The following KCNK5 variants were observed in gnomAD, a reference collection of about 807,000 sequenced individuals.
KCNK5 encodes potassium channel subfamily K member 5.
Under a neutral mutation model 32.9 loss-of-function variants are expected in KCNK5, and 18 were observed. The ratio of observed to expected loss-of-function variants is 0.55; its 90% CI spans 0.38 to 0.81. The LOEUF (loss-of-function observed/expected upper bound fraction) is 0.81. Among genes scored for constraint, KCNK5 ranks in the 30% least tolerant of loss-of-function variants. The pLI is 0.00. For synonymous variants in KCNK5, 276 were observed against 275.3 expected (o/e 1.00, Z -0.03); for missense variants, 507 against 651.0 (o/e 0.78, Z 2.41).
chr6:39,205,986 C>T (rs774340365), intron 1 of KCNK5, among the ~76,000 whole-genome samples: 16 of 152,188 alleles, frequency 1.1e-4, no homozygotes, highest in Non-Finnish European at 1.5e-5. Context: ...CCTCTCACAC[C>T]CATAACTCCT....
chr6:39,192,514 C>T (rs552841858), intron 4 of KCNK5, among the ~76,000 whole-genome samples: 23 of 152,288 alleles, frequency 1.5e-4, no homozygotes, highest in Admixed American at 1.3e-3. Flanking sequence ...ACCCTCCAAG[C>T]TGGGGCTAGA....
rs910558477 is a variant in KCNK5, at chr6:39,219,213, G to A, written c.186+9713C>T. 1.7e-4 allele frequency among the ~76,000 whole-genome samples: 26 copies of A among 152,252 alleles called. No homozygotes were observed. The Middle Eastern group carries it at 0.01, about 60-fold the overall frequency. On this transcript the variant is annotated intron_variant, in intron 1 of 4. Transcript: ENST00000359534. ...ATGGAACAAGGGATGGGGGATAGGG[G>A]AAGAAGAAGAGGGGGCTCCTGGAGA...
intron 2 of KCNK5, among the ~76,000 whole-genome samples, chr6:39,195,453 G>T (rs778311217): frequency 2.0e-5 from 3 of 152,224 alleles, no homozygotes; most frequent in Non-Finnish European, 4.4e-5. Flanking sequence ...GCCCAAGCAA[G>T]AACCAGCCAG....
At position 39,191,001 on chromosome 6, in the gene KCNK5, C is replaced by T; in HGVS notation, c.1389G>A (p.Glu463=). ...AGGTGGACTCGGAGGAGGAGGGGAACTCGCCCATGTTCAGGGGCGCCTTGG... is the reference window on the plus strand; with the variant it reads ...AGGTGGACTCGGAGGAGGAGGGGAATTCGCCCATGTTCAGGGGCGCCTTGG... The part of the protein sequence containing the change: ...AEAKAPLNMG[E]FPSSSESTFT... The change falls in exon 5 of 5, where the codon GAG becomes GAA. Residue 463 remains glutamate, a synonymous_variant. Transcript: ENST00000359534. This position sits in a 1 kb window ranked among gnomAD's most constrained non-coding sequence, Gnocchi z 5.8. 3 of 1,582,446 alleles carry T rather than the reference C, an allele frequency of 1.9e-6. No individual in the cohort carries two copies. Among genetic ancestry groups the T allele is most frequent in the East Asian group, 2.3e-5 (1 of 44,180 alleles).
intron 1 of KCNK5, among the ~76,000 whole-genome samples, chr6:39,219,165 G>A (rs1583720224): frequency 1.3e-5 from 2 of 152,162 alleles, no homozygotes; most frequent in East Asian, 1.9e-4. Context: ...ATTTCACAGG[G>A]GAAAGGAATT....
rs9471010 is a variant in KCNK5, at chr6:39,220,550, C to T, written c.186+8376G>A. 9.9e-3 allele frequency among the ~76,000 whole-genome samples: 1,506 copies of T among 152,278 alleles called. 26 individuals carry two copies. Among genetic ancestry groups the T allele is most frequent in the African/African-American group, 0.034 (1,417 of 41,536 alleles). ...AGGCCTGGGACAAGCCAGGACTGAG[C>T]AGAGCCCTGCTAGAAGAGAGAAAGA... On this transcript the variant is annotated intron_variant, in intron 1 of 4. Coordinates refer to ENST00000359534, the MANE Select transcript of KCNK5 (RefSeq NM_003740.4).
intron 1 of KCNK5, among the ~76,000 whole-genome samples, chr6:39,209,167 A>G (rs1376706963): frequency 6.6e-6 from 1 of 152,172 alleles, no homozygotes; most frequent in Non-Finnish European, 1.5e-5. Flanking sequence ...CAGGCCACAC[A>G]TCAGTTACCC....
chr6:39,203,215 A>G (rs139383979), intron 1 of KCNK5, among the ~76,000 whole-genome samples: 12 of 152,270 alleles, frequency 7.9e-5, no homozygotes, highest in Non-Finnish European at 1.6e-4. Context: ...ACAACTGCCA[A>G]CTCTTCCCAT....
At chr6:39,195,696 T>C (rs1277661523) in intron 2 of KCNK5, among the ~76,000 whole-genome samples, 180 bp downstream of exon 2, 2 of 152,206 alleles carry the variant, frequency 1.3e-5, no homozygotes, top group Non-Finnish European at 2.9e-5. Context: ...CAAGGAAACC[T>C]TCCCAGGCAT....
intron 1 of KCNK5, among the ~76,000 whole-genome samples, chr6:39,209,202 C>T (rs1271746140): frequency 6.6e-6 from 1 of 152,202 alleles, no homozygotes; most frequent in African/African-American, 2.4e-5. Context: ...ACCAAGGCCC[C>T]CATTTGGAAA....
intron 1 of KCNK5, among the ~76,000 whole-genome samples, chr6:39,216,035 T>C (rs1771427271): frequency 6.6e-6 from 1 of 152,144 alleles, no homozygotes; most frequent in South Asian, 2.1e-4. Flanking sequence ...GTAATCCCAG[T>C]ACCTTGGGAG....
chr6:39,228,095 A>T (rs6458101), intron 1 of KCNK5, among the ~76,000 whole-genome samples: 30,064 of 151,948 alleles, frequency 0.2, 3,849 homozygotes, highest in East Asian at 0.38. Context: ...CCGTTTATCC[A>T]AAGTGAGGTC....
chr6:39,228,020 G>A (rs1398570648), intron 1 of KCNK5, among the ~76,000 whole-genome samples: 2 of 152,196 alleles, frequency 1.3e-5, no homozygotes, highest in African/African-American at 2.4e-5. Flanking sequence ...CTGAGCCCTC[G>A]AGAAACTGGG....
At chr6:39,196,068 T>C (rs1324220675) in intron 1 of KCNK5, 81 bp from the exon 2 acceptor site, 16 of 904,944 alleles carry the variant, frequency 1.8e-5, no homozygotes, top group Admixed American at 5.4e-5. Flanking sequence ...AAACTCCTTG[T>C]AAGCATTTTC....
intron 1 of KCNK5, among the ~76,000 whole-genome samples, chr6:39,214,300 C>T (rs1771392647): frequency 1.3e-5 from 2 of 152,190 alleles, no homozygotes; most frequent in Admixed American, 1.3e-4. Context: ...CACCAGGCAA[C>T]CTACTGACCT....
intron 1 of KCNK5, among the ~76,000 whole-genome samples, chr6:39,206,264 G>A (rs1583711535): frequency 6.6e-6 from 1 of 152,326 alleles, no homozygotes; most frequent in Admixed American, 6.5e-5. Context: ...GGTAGACACT[G>A]GTGACATAGC....
Position 39,229,413 on chromosome 6 carries a change from T to C in KCNK5, c.-302A>G, listed in dbSNP as rs1771731073. The C allele has an allele frequency of 4.9e-6, 2 of 412,340 alleles. No homozygotes were observed. Among genetic ancestry groups the C allele is most frequent in the Non-Finnish European group, 9.0e-6 (2 of 222,380 alleles). 25.5% of individuals were successfully genotyped at this position (412,340 alleles called of 1,614,324 possible). A position where few individuals can be genotyped will look rare whatever the true frequency, so the allele number is the denominator to read the frequency against. ...GAGCGGGAAGAACACAGGACTTGAC[T>C]CTGGGCAGACACGTGGGCCGCTTCT... On this transcript the variant is annotated 5_prime_UTR_variant, in exon 1 of 5. Coordinates refer to ENST00000359534, the MANE Select transcript of KCNK5 (RefSeq NM_003740.4).
chr6:39,224,916 T>C (rs1415974125), intron 1 of KCNK5, among the ~76,000 whole-genome samples: 1 of 152,008 alleles, frequency 6.6e-6, no homozygotes, highest in Non-Finnish European at 1.5e-5. Context: ...CTTTTTTTTC[T>C]TTTTTTGAGA....
Position 39,191,183 on chromosome 6 carries a change from C to G in KCNK5, c.1207G>C (p.Glu403Gln). ...NQLDRISEEC[E>Q]PWDAQDYHPL... ...TGGTAGTCCTGGGCGTCCCATGGCT[C>G]GCATTCCTCGCTGATGCGGTCCAGC... The change falls in exon 5 of 5, where the codon GAG becomes CAG. Residue 403 changes from glutamate (E) to glutamine (Q), a missense_variant. Physicochemically the swap from Glu to Gln is conservative, Grantham distance 29. Coordinates refer to ENST00000359534, the MANE Select transcript of KCNK5 (RefSeq NM_003740.4). This position sits in a 1 kb window ranked among gnomAD's most constrained non-coding sequence, Gnocchi z 5.8. 6.2e-7 allele frequency: 1 copy of G among 1,614,202 alleles called. No homozygotes were observed. The highest frequency in any genetic ancestry group is 8.5e-7 in the Non-Finnish European group (1 of 1,180,034).
Sources: gnomAD v4.1 joint callset for allele counts (sites outside exome capture counted in the v4.1 genomes callset) on GRCh38, gnomAD v4.1.1 for gene constraint, Gnocchi (gnomAD v3.1) non-coding constraint, MANE v1.5 for transcripts, NCBI Gene and HGNC (gene_info 2026-07-23, HGNC 2026-07-21) for gene names.